Variants in ARHGAP31 observed in about 807,000 individuals in gnomAD.
The protein encoded by ARHGAP31 is rho GTPase-activating protein 31.
ARHGAP31 carries 34 observed loss-of-function variants against 113.9 expected under a neutral mutation model. That is an observed-to-expected ratio of 0.30 (90% CI 0.23 to 0.40). The LOEUF (loss-of-function observed/expected upper bound fraction) is 0.40, where lower values mean the gene tolerates loss of function less well. ARHGAP31 is among the 10% of genes least tolerant of loss of function. The pLI is 1.00. For synonymous variants in ARHGAP31, 650 were observed against 684.8 expected (o/e 0.95, Z 0.79); for missense variants, 1,548 against 1,767.1 (o/e 0.88, Z 2.22).
At position 119,415,725 on chromosome 3, in the gene ARHGAP31, G is replaced by T. The variant is rs2080769934; in HGVS notation, c.3796G>T (p.Asp1266Tyr). Reference sequence around the variant, plus strand: ...CTCAAAGGAAGAAAAACCAAAGCAAGATCCCGGAGCCATTAAGTCCTCACC... The same window carrying T: ...CTCAAAGGAAGAAAAACCAAAGCAATATCCCGGAGCCATTAAGTCCTCACC... ...ESSKEEKPKQ[D>Y]PGAIKSSPVD... is the part of the protein sequence containing the mutation. Residue 1266 changes from aspartate (D) to tyrosine (Y), a missense_variant, in exon 12 of 12, where the codon GAT becomes TAT. Coordinates refer to ENST00000264245, the MANE Select transcript of ARHGAP31 (RefSeq NM_020754.4). 2 of 1,614,112 alleles carry T rather than the reference G, an allele frequency of 1.2e-6. No individual in the cohort carries two copies. The highest frequency in any genetic ancestry group is 2.7e-5 in the African/African-American group (2 of 75,044).
chr3:119,337,450 C>T (rs750476379), intron 1 of ARHGAP31, among the ~76,000 whole-genome samples: 4 of 152,144 alleles, frequency 2.6e-5, no homozygotes, highest in Non-Finnish European at 5.9e-5. Flanking sequence ...AAAGAGTGAC[C>T]AGCACCAACA....
chr3:119,411,359 G>A (rs1228122636), intron 11 of ARHGAP31, among the ~76,000 whole-genome samples: 1 of 152,050 alleles, frequency 6.6e-6, no homozygotes, highest in African/African-American at 2.4e-5. Context: ...GACTAGTGTG[G>A]GGCCATGGGG....
Position 119,414,719 on chromosome 3 carries a change from G to C in ARHGAP31, c.2790G>C (p.Gln930His), listed in dbSNP as rs2080755957. The change falls in exon 12 of 12, where the codon CAG becomes CAC. Residue 930 changes from glutamine to histidine, a missense_variant. Gln to His is a conservative substitution (Grantham distance 24). Transcript: ENST00000264245. ...SPTLKDAHKA[Q>H]VQGLQGHQLE... is the part of the protein sequence containing the mutation. The stretch of plus-strand genomic sequence containing the variant: ...CCCTGAAAGACGCGCACAAGGCCCA[G>C]GTACAGGGCCTTCAGGGTCACCAGT... The C allele has an allele frequency of 6.2e-7, 1 of 1,614,056 alleles. No homozygotes were observed.
chr3:119,338,232 T>G (rs2079976380), intron 1 of ARHGAP31, among the ~76,000 whole-genome samples: 1 of 152,198 alleles, frequency 6.6e-6, no homozygotes, highest in South Asian at 2.1e-4. Flanking sequence ...CATGACCAGG[T>G]AACACAAGGG....
intron 1 of ARHGAP31, among the ~76,000 whole-genome samples, chr3:119,321,741 C>A (rs999501674): frequency 2.0e-5 from 3 of 152,156 alleles, no homozygotes; most frequent in Admixed American, 6.5e-5. Flanking sequence ...CTCTACCTCT[C>A]GGGCTCAAGT....
chr3:119,340,936 C>T (rs1381464562), intron 1 of ARHGAP31, among the ~76,000 whole-genome samples: 1 of 152,114 alleles, frequency 6.6e-6, no homozygotes, highest in Admixed American at 6.5e-5. Flanking sequence ...CGATTTCTTC[C>T]CGTGGTCATT....
intron 6 of ARHGAP31, among the ~76,000 whole-genome samples, chr3:119,388,408 C>T (rs1175942373): frequency 2.0e-5 from 3 of 151,426 alleles, no homozygotes; most frequent in Non-Finnish European, 4.4e-5. Context: ...GATGAAATAT[C>T]CTTTTAGGTC....
intron 8 of ARHGAP31, among the ~76,000 whole-genome samples, chr3:119,395,454 C>T (rs947194342): frequency 6.6e-6 from 1 of 152,190 alleles, no homozygotes; most frequent in Non-Finnish European, 1.5e-5. Context: ...CCAGCTGTGT[C>T]CCCCTTTGGG....
Position 119,383,195 on chromosome 3 carries a change from C to T in ARHGAP31, c.651C>T (p.Asn217=). 1 of 1,614,192 alleles carries T rather than the reference C, an allele frequency of 6.2e-7. No homozygotes were observed. The highest frequency in any genetic ancestry group is 1.1e-5 in the South Asian group (1 of 91,086). ...FILNHVDQIF[N]NGAPGSLEND... ...TGAATCATGTAGATCAAATCTTTAACAACGGTGCACCTGGGTCTCTGGAGA... is the reference window on the plus strand; with the variant it reads ...TGAATCATGTAGATCAAATCTTTAATAACGGTGCACCTGGGTCTCTGGAGA... The change falls in exon 6 of 12, where the codon AAC becomes AAT. Residue 217 remains asparagine, a synonymous_variant. Transcript: ENST00000264245.
Position 119,419,160 on chromosome 3 carries a change from AT to A in ARHGAP31, c.*2899del, listed in dbSNP as rs2080802975. ...AACAGGAGCTGCTGTGTTTAGGAGG[AT>A]TTACCTGGTGCCCTAGAAAGGGCTA... On this transcript the variant is annotated 3_prime_UTR_variant, in exon 12 of 12. Coordinates refer to ENST00000264245, the MANE Select transcript of ARHGAP31 (RefSeq NM_020754.4). The A allele has an allele frequency of 6.6e-6, 1 of 152,112 alleles. No individual in the cohort carries two copies. Among genetic ancestry groups the A allele is most frequent in the African/African-American group, 2.4e-5 (1 of 41,406 alleles). 9.4% of individuals were successfully genotyped at this position (152,112 alleles called of 1,614,324 possible).
chr3:119,416,053 C>G lies in ARHGAP31; in HGVS notation c.4124C>G (p.Pro1375Arg), dbSNP rs1266966660. ...TVTDSKVLLS[P>R]IRSPTQTVSP... ...ACAGATTCCAAGGTCCTGCTGTCCCCTATCAGAAGTCCCACCCAGACAGTT... is the reference window on the plus strand; with the variant it reads ...ACAGATTCCAAGGTCCTGCTGTCCCGTATCAGAAGTCCCACCCAGACAGTT... Residue 1375 changes from proline to arginine, a missense_variant, in exon 12 of 12, where the codon CCT becomes CGT. Pro to Arg is a moderately radical substitution (Grantham distance 103). Transcript: ENST00000264245. 1.9e-6 allele frequency: 3 copies of G among 1,614,094 alleles called. No homozygotes were observed. The highest frequency in any genetic ancestry group is 4.5e-5 in the East Asian group (2 of 44,894).
chr3:119,366,736 C>A (rs966934798), intron 2 of ARHGAP31, among the ~76,000 whole-genome samples: 5 of 151,664 alleles, frequency 3.3e-5, no homozygotes, highest in African/African-American at 9.7e-5. Flanking sequence ...TCTTGTTCTG[C>A]TCTCTTAAAA....
chr3:119,309,195 T>C (rs113432001), intron 1 of ARHGAP31, among the ~76,000 whole-genome samples: 26 of 152,332 alleles, frequency 1.7e-4, no homozygotes, highest in African/African-American at 6.3e-4. Context: ...CCATTTCTGA[T>C]TGCTTGAAAC....
intron 6 of ARHGAP31, among the ~76,000 whole-genome samples, chr3:119,389,931 A>T (rs1268556192): frequency 1.3e-5 from 2 of 152,238 alleles, no homozygotes; most frequent in African/African-American, 4.8e-5. Flanking sequence ...TGCTCTGTGC[A>T]TTGCAGGACG....
intron 1 of ARHGAP31, among the ~76,000 whole-genome samples, chr3:119,317,135 T>G (rs1463433517): frequency 6.6e-6 from 1 of 152,238 alleles, no homozygotes; most frequent in Non-Finnish European, 1.5e-5. Context: ...ATATGTAATG[T>G]GATGTTTTAT....
intron 1 of ARHGAP31, among the ~76,000 whole-genome samples, chr3:119,355,900 A>C (rs534433502): frequency 6.6e-6 from 1 of 152,112 alleles, no homozygotes; most frequent in East Asian, 1.9e-4. Context: ...GGACATTTGG[A>C]TTGGTTCCAA....
At position 119,399,272 on chromosome 3, in the gene ARHGAP31, A is replaced by G. The variant is rs2080579013; in HGVS notation, c.1069+11A>G. 1.2e-6 allele frequency: 2 copies of G among 1,608,758 alleles called. No individual in the cohort carries two copies. The highest frequency in any genetic ancestry group is 8.5e-7 in the Non-Finnish European group (1 of 1,175,242). On this transcript the variant is annotated intron_variant, in intron 9 of 11. Transcript: ENST00000264245. Reference sequence around the variant, plus strand: ...CAGTGCCTGTGGAAGGTAAGATTTTACAAGTAGTTTCTGAGTTGGAGATTA... The same window carrying G: ...CAGTGCCTGTGGAAGGTAAGATTTTGCAAGTAGTTTCTGAGTTGGAGATTA...
chr3:119,353,364 C>T (rs1051816668), intron 1 of ARHGAP31, among the ~76,000 whole-genome samples: 1 of 152,186 alleles, frequency 6.6e-6, no homozygotes. Context: ...CTGTCTAGGG[C>T]CCTTAGCATA....
chr3:119,304,929 TA>T (rs2079618237), intron 1 of ARHGAP31, among the ~76,000 whole-genome samples: 1 of 92,084 alleles, frequency 1.1e-5, no homozygotes, highest in African/African-American at 6.8e-5. Context: ...TAAAATAAAA[TA>T]AAATAAAATA....
Sources: gnomAD v4.1 joint callset for allele counts (sites outside exome capture counted in the v4.1 genomes callset) on GRCh38, gnomAD v4.1.1 for gene constraint, MANE v1.5 for transcripts, NCBI Gene and HGNC (gene_info 2026-07-23, HGNC 2026-07-21) for gene names.